The following FOXN1 variants were observed in gnomAD, a reference collection of about 807,000 sequenced individuals.
FOXN1 encodes the protein forkhead box protein N1.
In FOXN1, 15 loss-of-function variants were observed where a neutral mutation model predicts 49.0. That is an observed-to-expected ratio of 0.31 (90% CI 0.20 to 0.47). The LOEUF (loss-of-function observed/expected upper bound fraction) is 0.47. Ranked by LOEUF, FOXN1 falls within the 20% of genes least tolerant of loss-of-function variation. FOXN1 has a pLI of 1.00. For missense variants in FOXN1, 800 were observed against 842.8 expected (o/e 0.95, Z 0.63); for synonymous variants, 356 against 369.0 (o/e 0.96, Z 0.40).
Position 28,535,120 on chromosome 17 carries a change from G to T in FOXN1, c.1549G>T (p.Asp517Tyr), listed in dbSNP as rs200053524. Residue 517 changes from aspartate to tyrosine, a missense_variant, in exon 8 of 9, where the codon GAC (aspartate) becomes TAC (tyrosine). Physicochemically the swap from Asp to Tyr is radical, Grantham distance 160. This residue lies in a region of FOXN1 where 344 missense variants were observed against 366.1 expected (regional missense o/e 0.94). Transcript: ENST00000579795. ...GCCTTCCCCAGCCAGGACTATGCAC[G>T]ACACCCTGCTGCCAGATGGAGACCT... The part of the protein sequence containing the change: ...AEPSPARTMH[D>Y]TLLPDGDLGT... The T allele has an allele frequency of 5.9e-5, 95 of 1,609,016 alleles. 1 individual carries two copies. In the East Asian group the frequency reaches 2.1e-3, roughly 36 times the overall value.
Position 28,529,196 on chromosome 17 carries a change from C to T in FOXN1, c.802C>T (p.Leu268Phe). ...GGCCAGCACCGATGGGCACCAGCCTCTCTTCCCAAAACCCATCTATTCCTA... is the reference window on the plus strand; with the variant it reads ...GGCCAGCACCGATGGGCACCAGCCTTTCTTCCCAAAACCCATCTATTCCTA... ...PQASTDGHQP[L>F]FPKPIYSYSI... Residue 268 changes from leucine (L) to phenylalanine (F), a missense_variant, in exon 5 of 9, where the codon CTC (leucine) becomes TTC (phenylalanine). By Grantham distance (22) the Leu-to-Phe change is conservative (BLOSUM62 0). Around this residue, in one of 3 missense-constraint regions of FOXN1, gnomAD observed 383 missense variants for 357.9 expected, o/e 1.07. Transcript: ENST00000579795. 1 of 1,614,204 alleles carries T rather than the reference C, an allele frequency of 6.2e-7. No individual in the cohort carries two copies. Among genetic ancestry groups the T allele is most frequent in the Non-Finnish European group, 8.5e-7 (1 of 1,180,036 alleles).
intron 5 of FOXN1, among the ~76,000 whole-genome samples, chr17:28,530,099 G>T (rs532416549): frequency 1.3e-5 from 2 of 152,038 alleles, no homozygotes; most frequent in East Asian, 3.9e-4. Context: ...CGGGTTGACG[G>T]GTGTAGCAAA....
At chr17:28,527,883 C>T (rs1167528165) in intron 4 of FOXN1, among the ~76,000 whole-genome samples, 1 of 152,248 alleles carries the variant, frequency 6.6e-6, no homozygotes, top group African/African-American at 2.4e-5. Flanking sequence ...TCAGCCCTTT[C>T]CTCCTTTCCC....
chr17:28,515,406 G>A (rs2069474717), intron 1 of FOXN1, among the ~76,000 whole-genome samples: 4 of 151,150 alleles, frequency 2.6e-5, no homozygotes, highest in African/African-American at 9.8e-5. Flanking sequence ...CTCCACAGGT[G>A]TGCACATTTC....
chr17:28,527,348 C>G lies in FOXN1; in HGVS notation c.686C>G (p.Pro229Arg), dbSNP rs2069795255. The change falls in exon 4 of 9, where the codon CCC (proline) becomes CGC (arginine). Residue 229 changes from proline to arginine, a missense_variant. This residue lies in a region of FOXN1 where 383 missense variants were observed against 357.9 expected (regional missense o/e 1.07). Coordinates refer to ENST00000579795, the MANE Select transcript of FOXN1 (RefSeq NM_001369369.1). ...PLQHMYCSSQ[P>R]PFHQYSPGGG... Reference sequence around the variant, plus strand: ...CAGCATATGTACTGCTCCTCCCAGCCCCCCTTCCACCAGGTGGGTCTGGGG... The same window carrying G: ...CAGCATATGTACTGCTCCTCCCAGCGCCCCTTCCACCAGGTGGGTCTGGGG... 2.5e-6 allele frequency: 4 copies of G among 1,609,856 alleles called. No homozygotes were observed. In the East Asian group the frequency reaches 8.9e-5, roughly 36 times the overall value.
chr17:28,522,417 CAGGCAGATCATCTG>C (rs1226255840), intron 1 of FOXN1, among the ~76,000 whole-genome samples: 1 of 152,186 alleles, frequency 6.6e-6, no homozygotes, highest in African/African-American at 2.4e-5. Context: ...GAGGCCAAAG[CAGGCAGATCATCTG>C]AGGTCAGGAG....
At chr17:28,508,605 T>C (rs142691677) in intron 1 of FOXN1, among the ~76,000 whole-genome samples, 4 of 152,206 alleles carry the variant, frequency 2.6e-5, no homozygotes, top group Non-Finnish European at 2.9e-5. Context: ...AGAACCCCCA[T>C]TGCCTGCACA....
chr17:28,522,114 A>G (rs1394452499), intron 1 of FOXN1, among the ~76,000 whole-genome samples: 1 of 152,260 alleles, frequency 6.6e-6, no homozygotes, highest in Non-Finnish European at 1.5e-5. Context: ...CGACTTGGGC[A>G]AGTCACATAA....
At chr17:28,507,215 G>A (rs542110973) in intron 1 of FOXN1, among the ~76,000 whole-genome samples, 5 of 152,146 alleles carry the variant, frequency 3.3e-5, no homozygotes, top group Non-Finnish European at 5.9e-5. Context: ...GGAAGTGGCC[G>A]AAGCAGCAGG....
At position 28,513,663 on chromosome 17, in the gene FOXN1, C is replaced by G. The variant is rs990156394; in HGVS notation, c.-15+7220C>G. Reference sequence around the variant, plus strand: ...GGGGAGACAGCCCCGCCTCAGCCCTCGGGCAGGGGGCCGGTCCAGGCATGT... The same window carrying G: ...GGGGAGACAGCCCCGCCTCAGCCCTGGGGCAGGGGGCCGGTCCAGGCATGT... On this transcript the variant is annotated intron_variant, in intron 1 of 8. Coordinates refer to ENST00000579795, the MANE Select transcript of FOXN1 (RefSeq NM_001369369.1). Among the ~76,000 whole-genome samples, 4 of 152,360 alleles carry G rather than the reference C, an allele frequency of 2.6e-5. No homozygotes were observed. In the East Asian group the frequency reaches 5.8e-4, roughly 22 times the overall value.
intron 2 of FOXN1, 73 bp from the exon 3 acceptor site, chr17:28,524,430 G>C: frequency 7.6e-7 from 1 of 1,324,218 alleles, no homozygotes; most frequent in Non-Finnish European, 1.1e-6. Context: ...CCCCAGAACA[G>C]AGTAGGGTCC....
chr17:28,536,772 G>A (rs2151501393), intron 8 of FOXN1, among the ~76,000 whole-genome samples: 1 of 152,232 alleles, frequency 6.6e-6, no homozygotes, highest in African/African-American at 2.4e-5. Context: ...ACCTTCCTTG[G>A]GAGACTGGGC....
chr17:28,517,839 C>G (rs1307870433), intron 1 of FOXN1, among the ~76,000 whole-genome samples: 3 of 140,824 alleles, frequency 2.1e-5, no homozygotes, highest in African/African-American at 5.6e-5. Context: ...GTACACACCT[C>G]CACAGGATAC....
In FOXN1 at chr17:28,535,652, A is replaced by C. The variant is rs2070044428; in HGVS notation, c.1627+454A>C. 2.0e-5 allele frequency among the ~76,000 whole-genome samples: 3 copies of C among 152,342 alleles called. No homozygotes were observed. In the South Asian group the frequency reaches 6.2e-4, roughly 32 times the overall value. ...TGTAATCCCAGCTACTCGAGGCTAG[A>C]GAATCACTTGAACCCGGGAGGCGGA... On this transcript the variant is annotated intron_variant, in intron 8 of 8. Transcript: ENST00000579795.
intron 1 of FOXN1, among the ~76,000 whole-genome samples, chr17:28,520,060 G>A (rs1418840463): frequency 6.6e-6 from 1 of 152,156 alleles, no homozygotes; most frequent in African/African-American, 2.4e-5. Context: ...TAATCCTCCA[G>A]AGAGGTAAGT....
At chr17:28,530,899 G>T (rs977221161) in intron 6 of FOXN1, 54 bp downstream of exon 6, 3 of 981,344 alleles carry the variant, frequency 3.1e-6, no homozygotes, top group South Asian at 2.6e-5. Flanking sequence ...GACAGGCCAG[G>T]CCTCTCTGAG....
chr17:28,527,759 C>T (rs761483212), intron 4 of FOXN1, among the ~76,000 whole-genome samples: 5 of 152,224 alleles, frequency 3.3e-5, no homozygotes, highest in Non-Finnish European at 7.3e-5. Flanking sequence ...TATAGTCAGC[C>T]ACCATCTTGC....
At chr17:28,519,297 C>G (rs944738300) in intron 1 of FOXN1, among the ~76,000 whole-genome samples, 1 of 151,818 alleles carries the variant, frequency 6.6e-6, no homozygotes, top group Non-Finnish European at 1.5e-5. Flanking sequence ...TGCCACTGCA[C>G]TCCAGCCTGG....
In FOXN1 at chr17:28,524,584, CG is replaced by C; in HGVS notation, c.206del (p.Arg69ProfsTer233). The stretch of plus-strand genomic sequence containing the variant: ...ACCCTCACTGCCCCCACACAGCCCC[CG>C]CATTGCGTCACCAGGGCCCGAGCAA... ...RTPSLPPHSP[R>X]IASPGPEQVQ... On this transcript the variant is annotated frameshift_variant, in exon 3 of 9. Coordinates refer to ENST00000579795, the MANE Select transcript of FOXN1 (RefSeq NM_001369369.1). LOFTEE classifies it high-confidence loss of function. 1 of 1,613,604 alleles carries C rather than the reference CG, an allele frequency of 6.2e-7. No homozygotes were observed. Among genetic ancestry groups the C allele is most frequent in the Non-Finnish European group, 8.5e-7 (1 of 1,179,978 alleles).
Sources: gnomAD v4.1 joint callset for allele counts (sites outside exome capture counted in the v4.1 genomes callset) on GRCh38, gnomAD v4.1.1 for gene constraint, gnomAD v4.1.1 regional missense constraint, MANE v1.5 for transcripts, NCBI Gene and HGNC (gene_info 2026-07-23, HGNC 2026-07-21) for gene names.